The following FABP12 variants were observed in gnomAD, a reference collection of about 807,000 sequenced individuals.
The protein encoded by FABP12 is fatty acid-binding protein 12.
A neutral mutation model predicts 13.7 loss-of-function variants in FABP12; 19 were observed. That is an observed-to-expected ratio of 1.39 (90% CI 0.97 to 2.04). The LOEUF (loss-of-function observed/expected upper bound fraction) is 2.04, where lower values mean the gene tolerates loss of function less well. Ranked by LOEUF, FABP12 falls within the 30% of genes most tolerant of loss-of-function variation. The probability of loss-of-function intolerance (pLI) is 0.00; values close to 1 mark genes in which losing one functional copy is unlikely to be tolerated. For synonymous variants in FABP12, 61 were observed against 57.0 expected (o/e 1.07, Z -0.32); for missense variants, 182 against 164.2 (o/e 1.11, Z -0.59).
chr8:81,562,940 T>TTAC (rs1809749344), intron 1 of FABP12, among the ~76,000 whole-genome samples: 1 of 152,132 alleles, frequency 6.6e-6, no homozygotes, highest in African/African-American at 2.4e-5. Flanking sequence ...ATGTAAGTGG[T>TTAC]AGTCAGGCAA....
intron 1 of FABP12, among the ~76,000 whole-genome samples, chr8:81,587,472 A>G (rs974183315): frequency 5.9e-5 from 9 of 152,102 alleles, no homozygotes; most frequent in African/African-American, 2.2e-4. Flanking sequence ...TTCTCTGAAC[A>G]GTGTTTTGTA....
intron 1 of FABP12, among the ~76,000 whole-genome samples, chr8:81,584,243 A>G (rs1810209520): frequency 1.3e-5 from 2 of 152,184 alleles, no homozygotes; most frequent in Non-Finnish European, 1.5e-5. Flanking sequence ...ATTTGACTAG[A>G]GTGTCAAAGG....
At chr8:81,528,076 T>TTTG (rs976093877) in intron 3 of FABP12, among the ~76,000 whole-genome samples, 3 of 152,114 alleles carry the variant, frequency 2.0e-5, no homozygotes, top group Admixed American at 6.6e-5. Flanking sequence ...TCCAGTTTTT[T>TTTG]TTGTTGTTGT....
At chr8:81,539,992 T>G (rs1309193257) in intron 1 of FABP12, among the ~76,000 whole-genome samples, 1 of 152,210 alleles carries the variant, frequency 6.6e-6, no homozygotes, top group Non-Finnish European at 1.5e-5. Flanking sequence ...CCAACTCCTA[T>G]GAGCCGGCAT....
chr8:81,541,909 TTAA>T (rs1809351905), intron 1 of FABP12, among the ~76,000 whole-genome samples: 1 of 107,334 alleles, frequency 9.3e-6, no homozygotes. Flanking sequence ...GTCCCAGGGT[TTAA>T]AAAAAAAAAA....
chr8:81,577,693 G>A (rs536201824), intron 1 of FABP12, among the ~76,000 whole-genome samples: 16 of 152,180 alleles, frequency 1.1e-4, no homozygotes, highest in South Asian at 2.1e-4. Context: ...CCCGGGAGGT[G>A]GAGGTTGCAG....
At chr8:81,583,171 C>T (rs1303296220) in intron 1 of FABP12, among the ~76,000 whole-genome samples, 2 of 152,104 alleles carry the variant, frequency 1.3e-5, no homozygotes. Flanking sequence ...CAGCACACAA[C>T]ATGTCAAAAC....
At chr8:81,546,844 C>T (rs1340407835) in intron 1 of FABP12, among the ~76,000 whole-genome samples, 1 of 152,114 alleles carries the variant, frequency 6.6e-6, no homozygotes, top group Non-Finnish European at 1.5e-5. Context: ...ATCAAATTAG[C>T]CCAACATGGA....
chr8:81,550,651 A>T (rs909154621), intron 1 of FABP12, among the ~76,000 whole-genome samples: 1 of 152,164 alleles, frequency 6.6e-6, no homozygotes, highest in Non-Finnish European at 1.5e-5. Flanking sequence ...GGAATTTTTT[A>T]AAAATCACAC....
chr8:81,583,047 A>G (rs1810192673), intron 1 of FABP12, among the ~76,000 whole-genome samples: 1 of 152,190 alleles, frequency 6.6e-6, no homozygotes, highest in African/African-American at 2.4e-5. Flanking sequence ...GCATAAAAAG[A>G]GAAACATTGA....
intron 2 of FABP12, among the ~76,000 whole-genome samples, chr8:81,529,913 T>A (rs7831671): frequency 0.03 from 4,521 of 152,302 alleles, 110 homozygotes; most frequent in Middle Eastern, 0.058. Context: ...ATCTTACTGA[T>A]TTTTGAACCC....
chr8:81,572,755 G>A (rs909581946), intron 1 of FABP12, among the ~76,000 whole-genome samples: 6 of 152,106 alleles, frequency 3.9e-5, no homozygotes, highest in African/African-American at 7.2e-5. Flanking sequence ...ATCTTCTTTT[G>A]AGGATTATCT....
intron 1 of FABP12, among the ~76,000 whole-genome samples, chr8:81,578,824 T>TTTC (rs797005508): frequency 0.089 from 266 of 2,996 alleles, 23 homozygotes; most frequent in Middle Eastern, 0.25. Flanking sequence ...TTTGTTCAAG[T>TTTC]TTTTTTTTTT....
chr8:81,578,842 T>TTTTTTTTTTTTTA (rs1810103921), intron 1 of FABP12, among the ~76,000 whole-genome samples: 3 of 145,826 alleles, frequency 2.1e-5, no homozygotes, highest in South Asian at 2.2e-4. Flanking sequence ...TTTTTTTTTT[T>TTTTTTTTTTTTTA]GAGAAGGAGT....
chr8:81,550,598 C>T (rs1411167493), intron 1 of FABP12, among the ~76,000 whole-genome samples: 1 of 152,142 alleles, frequency 6.6e-6, no homozygotes, highest in Non-Finnish European at 1.5e-5. Context: ...AAAACACAGT[C>T]TTTCCACTCC....
At chr8:81,569,287 G>A (rs912653980) in intron 1 of FABP12, among the ~76,000 whole-genome samples, 34 of 152,052 alleles carry the variant, frequency 2.2e-4, no homozygotes, top group African/African-American at 7.7e-4. Context: ...TTAAAATGTT[G>A]ACTTAATCAG....
At position 81,578,823 on chromosome 8, in the gene FABP12, G is replaced by GTTTCTTTTTTTTTTTTTTTT. The variant is rs71268012; in HGVS notation, c.-185+11229_-185+11230insAAAAAAAAAAAAAAAAGAAA. ...TACAGAATCTGACACATTTGTTCAA[G>GTTTCTTTTTTTTTTTTTTTT]TTTTTTTTTTTTTTTTTTTGAGAAG... On this transcript the variant is annotated intron_variant, in intron 1 of 5. Transcript: ENST00000692030. 2.8e-5 allele frequency among the ~76,000 whole-genome samples: 3 copies of GTTTCTTTTTTTTTTTTTTTT among 105,660 alleles called. 1 individual carries two copies. Among genetic ancestry groups the GTTTCTTTTTTTTTTTTTTTT allele is most frequent in the Non-Finnish European group, 1.8e-5 (1 of 56,842 alleles). 69.3% of individuals were successfully genotyped at this position (105,660 alleles called of 152,430 possible).
intron 1 of FABP12, among the ~76,000 whole-genome samples, chr8:81,555,919 T>C (rs947885883): frequency 4.6e-5 from 7 of 152,200 alleles, no homozygotes; most frequent in Non-Finnish European, 7.3e-5. Context: ...AAATTTAATT[T>C]GTGGAAAATT....
chr8:81,558,646 C>T (rs1324633123), intron 1 of FABP12, among the ~76,000 whole-genome samples: 1 of 152,116 alleles, frequency 6.6e-6, no homozygotes, highest in African/African-American at 2.4e-5. Context: ...AATTCCAGCA[C>T]TTTGGGAGGC....
Sources: allele counts gnomAD v4.1 joint callset (sites outside exome capture counted in the v4.1 genomes callset), GRCh38; gene constraint gnomAD v4.1.1; transcripts MANE v1.5; gene names NCBI Gene and HGNC (gene_info 2026-07-23, HGNC 2026-07-21).